The following PTPRD variants were observed in gnomAD, a reference collection of about 807,000 sequenced individuals.
PTPRD encodes the protein protein tyrosine phosphatase receptor type D, also known as receptor-type tyrosine-protein phosphatase delta.
In PTPRD, 34 loss-of-function variants were observed where a neutral mutation model predicts 214.5. That is an observed-to-expected ratio of 0.16 (90% CI 0.12 to 0.21). The LOEUF (loss-of-function observed/expected upper bound fraction) is 0.21. PTPRD is among the 10% of genes least tolerant of loss of function. The probability of loss-of-function intolerance (pLI) is 1.00; values close to 1 mark genes in which losing one functional copy is unlikely to be tolerated. For missense variants in PTPRD, 2,545 were observed against 2,398.7 expected (o/e 1.06, Z -1.27); for synonymous variants, 1,128 against 845.7 (o/e 1.33, Z -5.79).
intron 9 of PTPRD, among the ~76,000 whole-genome samples, chr9:9,331,826 G>C: frequency 6.6e-6 from 1 of 151,962 alleles, no homozygotes; most frequent in East Asian, 1.9e-4. Flanking sequence ...GCTGTTTTGG[G>C]GCTTGGGAGA....
intron 5 of PTPRD, among the ~76,000 whole-genome samples, chr9:9,855,558 A>C (rs1452953876): frequency 6.6e-6 from 1 of 152,150 alleles, no homozygotes; most frequent in African/African-American, 2.4e-5. Flanking sequence ...AGGGTGCCTC[A>C]TTTCCTCAAC....
chr9:8,929,953 G>GTATA (rs1209645941), intron 11 of PTPRD, among the ~76,000 whole-genome samples: 2 of 148,070 alleles, frequency 1.4e-5, no homozygotes, highest in African/African-American at 5.0e-5. Flanking sequence ...GTGTGTGTGT[G>GTATA]TATATATATA....
At chr9:9,408,765 A>C (rs1445585651) in intron 8 of PTPRD, among the ~76,000 whole-genome samples, 9 of 151,894 alleles carry the variant, frequency 5.9e-5, no homozygotes, top group Non-Finnish European at 1.3e-4. Flanking sequence ...AACAATTGTG[A>C]AGATTAAATA....
intron 2 of PTPRD, among the ~76,000 whole-genome samples, chr9:10,490,824 G>T (rs1011529749): frequency 6.6e-6 from 1 of 152,066 alleles, no homozygotes; most frequent in Non-Finnish European, 1.5e-5. Context: ...GAAATTATAT[G>T]TCATTTAGCA....
chr9:8,566,387 G>C (rs2154219453), intron 14 of PTPRD, among the ~76,000 whole-genome samples: 1 of 152,196 alleles, frequency 6.6e-6, no homozygotes, highest in African/African-American at 2.4e-5. Context: ...GGATACTTGG[G>C]AGTTACATCC....
chr9:9,568,791 A>G (rs1298219372), intron 8 of PTPRD, among the ~76,000 whole-genome samples: 2 of 151,848 alleles, frequency 1.3e-5, no homozygotes, highest in Admixed American at 6.6e-5. Context: ...CACATAGTAT[A>G]GAGGACTTCA....
chr9:10,492,499 C>T (rs534698781), intron 2 of PTPRD, among the ~76,000 whole-genome samples: 7 of 152,204 alleles, frequency 4.6e-5, no homozygotes, highest in Admixed American at 1.3e-4. Context: ...TTATTGGCCA[C>T]ATAAATGTCT....
chr9:8,625,814 A>G lies in PTPRD; in HGVS notation c.352+7503T>C, dbSNP rs2096009143. On this transcript the variant is annotated intron_variant, in intron 14 of 45. Coordinates refer to ENST00000381196, the MANE Select transcript of PTPRD (RefSeq NM_002839.4). ...ATTAAAACACAGCTCATTTTGGAAG[A>G]TGACAGATAAGAGAGTCTTGAAATG... Among the ~76,000 whole-genome samples, 2 of 151,802 alleles carry G rather than the reference A, an allele frequency of 1.3e-5. 1 individual carries two copies. Among genetic ancestry groups the G allele is most frequent in the Middle Eastern group, 6.8e-3 (2 of 294 alleles).
At chr9:8,423,930 A>G (rs1432848831) in intron 35 of PTPRD, among the ~76,000 whole-genome samples, 2 of 152,178 alleles carry the variant, frequency 1.3e-5, no homozygotes, top group African/African-American at 4.8e-5. Context: ...TAGCCCAACT[A>G]ATCAAATATA....
At chr9:9,845,360 G>C (rs1436440477) in intron 5 of PTPRD, among the ~76,000 whole-genome samples, 2 of 151,414 alleles carry the variant, frequency 1.3e-5, no homozygotes, top group Admixed American at 6.6e-5. Context: ...GTCCACAAAA[G>C]ACTTTGGCAG....
chr9:9,446,781 T>A (rs992484639), intron 8 of PTPRD, among the ~76,000 whole-genome samples: 1 of 152,162 alleles, frequency 6.6e-6, no homozygotes, highest in African/African-American at 2.4e-5. Context: ...AAGGGTCTAG[T>A]ATCCCACATC....
intron 11 of PTPRD, among the ~76,000 whole-genome samples, chr9:8,752,755 G>T (rs572653370): frequency 2.6e-5 from 4 of 152,124 alleles, no homozygotes; most frequent in African/African-American, 9.6e-5. Flanking sequence ...CTGACAGCTG[G>T]TTGCAGACTC....
At chr9:8,581,613 T>G (rs2093111134) in intron 14 of PTPRD, among the ~76,000 whole-genome samples, 1 of 152,042 alleles carries the variant, frequency 6.6e-6, no homozygotes, top group South Asian at 2.1e-4. Flanking sequence ...CTGGGCATGG[T>G]GGCAGATGCC....
chr9:10,117,156 C>T (rs189863353), intron 3 of PTPRD, among the ~76,000 whole-genome samples: 3 of 151,804 alleles, frequency 2.0e-5, no homozygotes, highest in Non-Finnish European at 2.9e-5. Context: ...TTTAGGTGAT[C>T]GATAAACATT....
At chr9:9,733,972 C>T (rs547604953) in intron 7 of PTPRD, among the ~76,000 whole-genome samples, 1 of 152,214 alleles carries the variant, frequency 6.6e-6, no homozygotes, top group South Asian at 2.1e-4. Context: ...CTATCTCAAC[C>T]AGTACAGCTT....
intron 3 of PTPRD, among the ~76,000 whole-genome samples, chr9:10,207,697 T>G (rs1245087792): frequency 6.6e-6 from 1 of 151,742 alleles, no homozygotes; most frequent in Non-Finnish European, 1.5e-5. Flanking sequence ...CATTTATATC[T>G]TGTTCTCTTT....
At chr9:9,378,609 T>C (rs1187529266) in intron 9 of PTPRD, among the ~76,000 whole-genome samples, 1 of 152,188 alleles carries the variant, frequency 6.6e-6, no homozygotes, top group Non-Finnish European at 1.5e-5. Flanking sequence ...CCTAAGTAGC[T>C]CTACCATTTT....
chr9:9,370,668 G>C (rs1248090547), intron 9 of PTPRD, among the ~76,000 whole-genome samples: 1 of 151,672 alleles, frequency 6.6e-6, no homozygotes, highest in Non-Finnish European at 1.5e-5. Flanking sequence ...AGTGGTGAGA[G>C]AGGGCATCCC....
chr9:9,194,724 G>C (rs191534038), intron 9 of PTPRD, among the ~76,000 whole-genome samples: 55 of 152,254 alleles, frequency 3.6e-4, no homozygotes, highest in Admixed American at 6.5e-4. Flanking sequence ...AGGGCGCTGG[G>C]ATCCTGAGCG....
Sources: allele counts gnomAD v4.1 joint callset (sites outside exome capture counted in the v4.1 genomes callset), GRCh38; gene constraint gnomAD v4.1.1; transcripts MANE v1.5; gene names NCBI Gene and HGNC (gene_info 2026-07-23, HGNC 2026-07-21).